The following PSG7 variants were observed in gnomAD, a reference collection of about 807,000 sequenced individuals.
The protein encoded by PSG7 is pregnancy-specific beta-1-glycoprotein 7.
Under a neutral mutation model 45.6 loss-of-function variants are expected in PSG7, and 57 were observed. That is an observed-to-expected ratio of 1.25 (90% CI 1.01 to 1.56). The LOEUF (loss-of-function observed/expected upper bound fraction) is 1.56. PSG7 is among the 40% of genes most tolerant of loss of function. The pLI is 0.00. For missense variants in PSG7, 796 were observed against 508.4 expected, an observed-to-expected ratio of 1.57 and a Z score of -5.44; for synonymous variants, 298 against 194.4, an observed-to-expected ratio of 1.53 and a Z score of -4.43.
Position 42,929,713 on chromosome 19 carries a change from A to C in PSG7, c.438T>G (p.Thr146=). 1 of 1,611,724 alleles carries C rather than the reference A, an allele frequency of 6.2e-7. No individual in the cohort carries two copies. Among genetic ancestry groups the C allele is most frequent in the South Asian group, 1.1e-5 (1 of 90,742 alleles). ...GRFTFTLYLE[T]PKPSISSSNF... is the part of the protein sequence containing the mutation. ...TGCTGCTGGAGATGGAGGGTTTGGG[A>C]GTCTCCACTGTGCGGAAAACAGAGA... Residue 146 remains threonine (T), a synonymous_variant, in exon 3 of 6, where the codon ACT becomes ACG. Coordinates refer to ENST00000406070, the MANE Select transcript of PSG7 (RefSeq NM_002783.3).
intron 2 of PSG7, among the ~76,000 whole-genome samples, chr19:42,931,245 A>C (rs753937562): frequency 4.6e-5 from 7 of 151,674 alleles, no homozygotes; most frequent in Non-Finnish European, 8.8e-5. Flanking sequence ...TCTAAGATCA[A>C]TTGCTGGTAG....
chr19:42,932,486 C>A (rs907468452), intron 2 of PSG7, among the ~76,000 whole-genome samples: 1 of 151,416 alleles, frequency 6.6e-6, no homozygotes, highest in Non-Finnish European at 1.5e-5. Flanking sequence ...AGAATGGAGT[C>A]ACGAGTGAAA....
chr19:42,930,302 G>C lies in PSG7; in HGVS notation c.431-582C>G, dbSNP rs574608004. On this transcript the variant is annotated intron_variant, in intron 2 of 5. Coordinates refer to ENST00000406070, the MANE Select transcript of PSG7 (RefSeq NM_002783.3). ...CAGTCATCAGGCAGTGCAGCCACAA[G>C]GTGGCGCAGTTTTCCCAGGTGTCTC... 2.3e-3 allele frequency among the ~76,000 whole-genome samples: 350 copies of C among 151,672 alleles called. 7 individuals are homozygous for C. The highest frequency in any genetic ancestry group is 8.3e-3 in the African/African-American group (344 of 41,328).
At position 42,924,434 on chromosome 19, in the gene PSG7, CA is replaced by C; in HGVS notation, c.*373del. ...ATATCTGACACTCTGTTGTTACCCT[CA>C]GAAGCTCCTATACTACATGTGAAAT... is the stretch of plus-strand genomic sequence containing the variant. On this transcript the variant is annotated 3_prime_UTR_variant, in exon 6 of 6. Transcript: ENST00000406070. The C allele has an allele frequency of 4.1e-6, 2 of 485,832 alleles. No individual in the cohort carries two copies. The highest frequency in any genetic ancestry group is 6.0e-5 in the East Asian group (2 of 33,324). The allele number at this position is 485,832 out of a possible 1,614,324, so 30.1% of individuals were successfully genotyped here.
At position 42,926,154 on chromosome 19, in the gene PSG7, A is replaced by G. The variant is rs1414638800; in HGVS notation, c.989-127T>C. The G allele has an allele frequency of 1.4e-5, 20 of 1,474,678 alleles. 2 individuals carry two copies. In the East Asian group the frequency reaches 2.7e-4, roughly 20 times the overall value. The allele number at this position is 1,474,678 out of a possible 1,614,324, so 91.3% of individuals were successfully genotyped here. A position where few individuals can be genotyped will look rare whatever the true frequency, so the allele number is the denominator to read the frequency against. ...CTCAAGTGACAGCCAAATCCCCTCT[A>G]TGTTCACTGAGCCGAAGCCTGAGGT... On this transcript the variant is annotated intron_variant, in intron 4 of 5. Coordinates refer to ENST00000406070, the MANE Select transcript of PSG7 (RefSeq NM_002783.3).
In PSG7 at chr19:42,934,263, G is replaced by A. The variant is rs1973097698; in HGVS notation, c.430+1141C>T. Among the ~76,000 whole-genome samples, 3 of 151,508 alleles carry A rather than the reference G, an allele frequency of 2.0e-5. 1 individual carries two copies. In the South Asian group the frequency reaches 6.3e-4, roughly 32 times the overall value. ...TTGAGGCAGCTGATTTAGTTCTGGA[G>A]TGCAGACTAATCAGGTGACCACTTG... On this transcript the variant is annotated intron_variant, in intron 2 of 5. Coordinates refer to ENST00000406070, the MANE Select transcript of PSG7 (RefSeq NM_002783.3).
At chr19:42,927,969 C>A (rs1347242131) in intron 3 of PSG7, among the ~76,000 whole-genome samples, 3 of 151,686 alleles carry the variant, frequency 2.0e-5, no homozygotes, top group Non-Finnish European at 2.9e-5. Flanking sequence ...GGTTAAGCAT[C>A]CCAAATCTGA....
chr19:42,936,667 G>A (rs1470726777), intron 1 of PSG7, among the ~76,000 whole-genome samples: 1 of 150,490 alleles, frequency 6.6e-6, no homozygotes, highest in African/African-American at 2.4e-5. Flanking sequence ...TTTTCTTTTG[G>A]GACGGAGTCT....
intron 1 of PSG7, 68 bp downstream of exon 1, chr19:42,936,945 C>G: frequency 1.9e-6 from 3 of 1,593,636 alleles, no homozygotes; most frequent in Admixed American, 1.7e-5. Context: ...ACCCCATCCT[C>G]TCTAGGAGAC....
rs537987662 is a variant in PSG7 at position 42,934,213 on chromosome 19, A to T, written c.430+1191T>A. 1.2e-4 allele frequency among the ~76,000 whole-genome samples: 18 copies of T among 151,102 alleles called. 1 individual carries two copies. In the East Asian group the frequency reaches 2.1e-3, roughly 18 times the overall value. On this transcript the variant is annotated intron_variant, in intron 2 of 5. Coordinates refer to ENST00000406070, the MANE Select transcript of PSG7 (RefSeq NM_002783.3). ...TAAGATCTGAGGGGGAGACCTGGACATTTTTTTTGCACTGACTCTGATGGT... is the reference window on the plus strand; with the variant it reads ...TAAGATCTGAGGGGGAGACCTGGACTTTTTTTTTGCACTGACTCTGATGGT...
intron 2 of PSG7, among the ~76,000 whole-genome samples, chr19:42,930,693 T>C (rs1333929539): frequency 6.6e-6 from 1 of 151,548 alleles, no homozygotes; most frequent in Non-Finnish European, 1.5e-5. Context: ...TGAGTTTGAC[T>C]ACTCTATGTA....
chr19:42,933,307 A>ATTTTTTTTTTTTTTT (rs397965905), intron 2 of PSG7, among the ~76,000 whole-genome samples: 1 of 13,502 alleles, frequency 7.4e-5, no homozygotes, highest in African/African-American at 1.7e-4. Context: ...ATATATATAT[A>ATTTTTTTTTTTTTTT]TTTTTTTTTT....
chr19:42,925,768 C>G lies in PSG7; in HGVS notation c.1243+5G>C. On this transcript the variant is annotated splice_donor_5th_base_variant and intron_variant, in intron 5 of 5. Coordinates refer to ENST00000406070, the MANE Select transcript of PSG7 (RefSeq NM_002783.3). ...CTATTGCCAAGGATGCTGGGATCCA[C>G]TTACCAGAGACTCTGACTGTCACGG... 1 of 1,612,020 alleles carries G rather than the reference C, an allele frequency of 6.2e-7. No individual in the cohort carries two copies. Among genetic ancestry groups the G allele is most frequent in the Non-Finnish European group, 8.5e-7 (1 of 1,179,016 alleles).
Position 42,928,630 on chromosome 19 carries a change from G to C in PSG7, c.709+812C>G, listed in dbSNP as rs182131123. On this transcript the variant is annotated intron_variant, in intron 3 of 5. Transcript: ENST00000406070. ...TGAAGAATGATCTAGAAAGAGTGAA[G>C]GGTACAGGCAAAACCTGGTGGTTTT... Among the ~76,000 whole-genome samples, 22 of 151,514 alleles carry C rather than the reference G, an allele frequency of 1.5e-4. 1 individual carries two copies. In the East Asian group the frequency reaches 2.1e-3, roughly 15 times the overall value.
rs1568462254 is a variant in PSG7 at position 42,937,108 on chromosome 19, G to T, written c.-32C>A. ...TGCTCCCTGCGTGTTCTCCTCTGTGGAGATGAGCCTAGGATCCAGAATCTT... is the reference window on the plus strand; with the variant it reads ...TGCTCCCTGCGTGTTCTCCTCTGTGTAGATGAGCCTAGGATCCAGAATCTT... On this transcript the variant is annotated 5_prime_UTR_variant, in exon 1 of 6. Transcript: ENST00000406070. 6.2e-7 allele frequency: 1 copy of T among 1,605,826 alleles called. No individual in the cohort carries two copies. Among genetic ancestry groups the T allele is most frequent in the Non-Finnish European group, 8.5e-7 (1 of 1,174,514 alleles).
rs531432163 is a variant in PSG7, at chr19:42,929,487, G to T, written c.664C>A (p.Pro222Thr). ...AGPYECEIRN[P>T]VSASRSDPVT... Reference sequence around the variant, plus strand: ...GGGTCACTGCGGCTGGCACTCACTGGGTTCCGTATTTCACATTCATAGGGT... The same window carrying T: ...GGGTCACTGCGGCTGGCACTCACTGTGTTCCGTATTTCACATTCATAGGGT... Residue 222 changes from proline (P) to threonine (T), a missense_variant, in exon 3 of 6, where the codon CCA becomes ACA. By Grantham distance (38) the Pro-to-Thr change is conservative (BLOSUM62 -1). Coordinates refer to ENST00000406070, the MANE Select transcript of PSG7 (RefSeq NM_002783.3). 5.0e-6 allele frequency: 8 copies of T among 1,612,582 alleles called. No homozygotes were observed. In the East Asian group the frequency reaches 1.3e-4, roughly 27 times the overall value.
In PSG7 at chr19:42,937,088, C is replaced by A. The variant is rs753443356; in HGVS notation, c.-12G>T. The A allele has an allele frequency of 6.2e-7, 1 of 1,609,916 alleles. No homozygotes were observed. The highest frequency in any genetic ancestry group is 1.7e-5 in the Admixed American group (1 of 59,738). ...GAGAGGGGCCCCATGGTCTCTGCTC[C>A]CTGCGTGTTCTCCTCTGTGGAGATG... On this transcript the variant is annotated 5_prime_UTR_variant, in exon 1 of 6. Coordinates refer to ENST00000406070, the MANE Select transcript of PSG7 (RefSeq NM_002783.3).
chr19:42,929,628 C>G lies in PSG7; in HGVS notation c.523G>C (p.Asp175His), dbSNP rs772109801. Residue 175 changes from aspartate (D) to histidine (H), a missense_variant, in exon 3 of 6, where the codon GAT becomes CAT. Transcript: ENST00000406070. ...VILTCDPETP[D>H]ASYLWWMNGQ... The stretch of plus-strand genomic sequence containing the variant: ...TTCATCCACCACAGGTAGCTTGCAT[C>G]TGGAGTCTCAGGATCACAGGTTAAA... 6.8e-6 allele frequency: 11 copies of G among 1,612,458 alleles called. 2 individuals are homozygous for G. The highest frequency in any genetic ancestry group is 6.8e-6 in the Non-Finnish European group (8 of 1,179,252).
At chr19:42,934,476 C>T (rs1426915703) in intron 2 of PSG7, among the ~76,000 whole-genome samples, 1 of 151,650 alleles carries the variant, frequency 6.6e-6, no homozygotes, top group Middle Eastern at 3.4e-3. Context: ...AGTGACTGTG[C>T]TTTCCTGTGA....
Sources: allele counts gnomAD v4.1 joint callset (sites outside exome capture counted in the v4.1 genomes callset), GRCh38; gene constraint gnomAD v4.1.1; transcripts MANE v1.5; gene names NCBI Gene and HGNC (gene_info 2026-07-23, HGNC 2026-07-21).